The following ATAD3B variants were observed in gnomAD, a reference collection of about 807,000 sequenced individuals.
ATAD3B encodes ATPase family AAA domain-containing protein 3B.
In ATAD3B, 59 loss-of-function variants were observed where a neutral mutation model predicts 70.2. That is an observed-to-expected ratio of 0.84 (90% CI 0.68 to 1.04). ATAD3B has a LOEUF of 1.04. Among genes scored for constraint, ATAD3B ranks in the 50% least tolerant of loss-of-function variants. The pLI is 0.00. For synonymous variants in ATAD3B, 423 were observed against 388.6 expected (o/e 1.09, Z -1.04); for missense variants, 961 against 913.4 (o/e 1.05, Z -0.67).
At chr1:1,480,482 T>G (rs1166722320) in intron 4 of ATAD3B, among the ~76,000 whole-genome samples, 1 of 147,316 alleles carries the variant, frequency 6.8e-6, no homozygotes, top group African/African-American at 2.5e-5. Context: ...CCTTCAGTCC[T>G]GAGCTCGCAG....
At chr1:1,509,075 A>T in the ATAD3B span, 3,663 of 1,424,798 alleles carry the variant, frequency 2.6e-3, 28 homozygotes, top group African/African-American at 0.038. Flanking sequence ...GAGGTGCGGG[A>T]AGCCTGTGTT....
chr1:1,491,896 G>C (rs1291636508), intron 15 of ATAD3B, among the ~76,000 whole-genome samples: 1 of 151,962 alleles, frequency 6.6e-6, no homozygotes, highest in Non-Finnish European at 1.5e-5. Flanking sequence ...AACTCAGAAA[G>C]TGGAGGCTGG....
In ATAD3B at chr1:1,489,711, G is replaced by A. The variant is rs982007395; in HGVS notation, c.1337+437G>A. The A allele has an allele frequency of 1.8e-5, 24 of 1,312,066 alleles. 1 individual carries two copies. The highest frequency in any genetic ancestry group is 5.4e-5 in the East Asian group (1 of 18,620). The allele number at this position is 1,312,066 out of a possible 1,614,324, so 81.3% of individuals were successfully genotyped here. A position where few individuals can be genotyped will look rare whatever the true frequency, so the allele number is the denominator to read the frequency against. ...CTCCAGCCCCAGTCACGTGTCACAC[G>A]GAGGATCAAGTCCTGCTGGTCGGCC... On this transcript the variant is annotated intron_variant, in intron 13 of 15. Transcript: ENST00000673477.
chr1:1,490,690 C>T lies in ATAD3B; in HGVS notation c.1614+19C>T, dbSNP rs989928583. The T allele has an allele frequency of 9.6e-6, 15 of 1,558,484 alleles. No homozygotes were observed. Among genetic ancestry groups the T allele is most frequent in the Admixed American group, 7.8e-5 (4 of 51,352 alleles). On this transcript the variant is annotated intron_variant, in intron 15 of 15. Transcript: ENST00000673477. Reference sequence around the variant, plus strand: ...CTGGCAGGTGAGTCAGGCTCCGGCACGTCCACCCAGACGGGACCCCAGCTG... The same window carrying T: ...CTGGCAGGTGAGTCAGGCTCCGGCATGTCCACCCAGACGGGACCCCAGCTG...
At chr1:1,477,498 A>G in intron 2 of ATAD3B, 148 bp downstream of exon 2, 1 of 1,386,902 alleles carries the variant, frequency 7.2e-7, no homozygotes, top group Non-Finnish European at 9.9e-7. Context: ...CTCATTTCAC[A>G]GAGGGAAACA....
chr1:1,499,423 GA>G (rs1640894007), downstream of ATAD3B, among the ~76,000 whole-genome samples: 2 of 150,304 alleles, frequency 1.3e-5, no homozygotes, highest in South Asian at 2.1e-4. Context: ...TTTTAGTAGA[GA>G]GGGGGTTATA....
intron 6 of ATAD3B, 95 bp from the exon 7 acceptor site, chr1:1,482,450 C>G: frequency 6.2e-7 from 1 of 1,604,902 alleles, no homozygotes; most frequent in South Asian, 1.1e-5. Context: ...CTGGCAAGGC[C>G]GTGCCGCCAT....
downstream of ATAD3B, among the ~76,000 whole-genome samples, chr1:1,500,750 G>C (rs530762940): frequency 1.3e-4 from 19 of 151,098 alleles, no homozygotes; most frequent in Admixed American, 1.1e-3. Flanking sequence ...TCAGGAGATC[G>C]AGACCATCCT....
At chr1:1,478,301 C>T in intron 2 of ATAD3B, 3 of 981,674 alleles carry the variant, frequency 3.1e-6, no homozygotes, top group Non-Finnish European at 4.4e-6. Context: ...CCGGCCCACT[C>T]AGCAGGATTC....
chr1:1,495,281 G>A (rs554654958), intron 15 of ATAD3B, among the ~76,000 whole-genome samples: 4 of 152,134 alleles, frequency 2.6e-5, no homozygotes, highest in Non-Finnish European at 4.4e-5. Flanking sequence ...TGCTGAGGAC[G>A]CAGGCAGGGC....
At chr1:1,502,730 G>A (rs895121390), downstream of ATAD3B, among the ~76,000 whole-genome samples, 185 of 146,000 alleles carry the variant, frequency 1.3e-3, 2 homozygotes, top group African/African-American at 2.3e-4. Flanking sequence ...AAGGCTGGTC[G>A]CGAACTCCTG....
chr1:1,481,834 G>A (rs1400147433), intron 5 of ATAD3B, among the ~76,000 whole-genome samples: 1 of 152,136 alleles, frequency 6.6e-6, no homozygotes, highest in African/African-American at 2.4e-5. Flanking sequence ...GTGTGTGTCT[G>A]TGGCACGGGC....
chr1:1,503,528 T>A, the ATAD3B span: 2 of 1,552,342 alleles, frequency 1.3e-6, no homozygotes, highest in Non-Finnish European at 1.8e-6. Flanking sequence ...GTGTGGTGCC[T>A]GCCCAGCGGC....
downstream of ATAD3B, among the ~76,000 whole-genome samples, chr1:1,498,968 CTTTT>C (rs377252484): frequency 8.8e-3 from 1,240 of 140,774 alleles, 13 homozygotes; most frequent in Non-Finnish European, 0.013. Flanking sequence ...TGTGGTTCCT[CTTTT>C]TTTTTTTTTT....
chr1:1,495,993 GTCTTTGT>G lies in ATAD3B; in HGVS notation c.*180_*186del. On this transcript the variant is annotated 3_prime_UTR_variant, in exon 16 of 16. Coordinates refer to ENST00000673477, the MANE Select transcript of ATAD3B (RefSeq NM_031921.6). ...GGGCAGAAGGAGTGGGGCAGGCGGGGTCTTTGTTCTCGGCTCCCACAGCAGAGCCAGG... is the reference window on the plus strand; with the variant it reads ...GGGCAGAAGGAGTGGGGCAGGCGGGGTCTCGGCTCCCACAGCAGAGCCAGG... 31 of 1,359,148 alleles carry G rather than the reference GTCTTTGT, an allele frequency of 2.3e-5. No individual in the cohort carries two copies. Among genetic ancestry groups the G allele is most frequent in the Non-Finnish European group, 2.8e-5 (30 of 1,057,608 alleles). 84.2% of individuals were successfully genotyped at this position (1,359,148 alleles called of 1,614,324 possible). A position where few individuals can be genotyped will look rare whatever the true frequency, so the allele number is the denominator to read the frequency against.
Position 1,495,691 on chromosome 1 carries a change from T to C in ATAD3B, c.1821T>C (p.Leu607=), listed in dbSNP as rs1308815644. The change falls in exon 16 of 16, where the codon CTT becomes CTC. Residue 607 remains leucine, a synonymous_variant. Transcript: ENST00000673477. The stretch of plus-strand genomic sequence containing the variant: ...CCACGGACCCCTCCTACCCCTGCCT[T>C]GCCGGCCCCTGCACATTTAGGATAT... The part of the protein sequence containing the change: ...SLATDPSYPC[L]AGPCTFRICS... 2 of 1,613,090 alleles carry C rather than the reference T, an allele frequency of 1.2e-6. No homozygotes were observed. Among genetic ancestry groups the C allele is most frequent in the South Asian group, 2.2e-5 (2 of 90,994 alleles).
At chr1:1,495,374 A>C (rs1399666519) in intron 15 of ATAD3B, 111 bp from the exon 16 acceptor site, 2 of 1,402,600 alleles carry the variant, frequency 1.4e-6, no homozygotes, top group Non-Finnish European at 1.9e-6. Context: ...TTTCACCCTG[A>C]GGTTGTCCTG....
chr1:1,495,444 T>A lies in ATAD3B; in HGVS notation c.1615-41T>A, dbSNP rs780965705. ...CCTGGCGTGCATTAAGGGTGGCGGGTTCCCATAGCGGCCTCCCTCAGCTCC... is the reference window on the plus strand; with the variant it reads ...CCTGGCGTGCATTAAGGGTGGCGGGATCCCATAGCGGCCTCCCTCAGCTCC... On this transcript the variant is annotated intron_variant, in intron 15 of 15. Coordinates refer to ENST00000673477, the MANE Select transcript of ATAD3B (RefSeq NM_031921.6). 3.9e-6 allele frequency: 6 copies of A among 1,557,080 alleles called. No homozygotes were observed. The African/African-American group carries it at 8.1e-5, about 21-fold the overall frequency.
chr1:1,488,465 A>T (rs1310832501), intron 12 of ATAD3B, among the ~76,000 whole-genome samples: 1 of 152,058 alleles, frequency 6.6e-6, no homozygotes, highest in Non-Finnish European at 1.5e-5. Context: ...GAACTAAAGA[A>T]ATTCACCGGC....
Sources: gnomAD v4.1 joint callset for allele counts (sites outside exome capture counted in the v4.1 genomes callset) on GRCh38, gnomAD v4.1.1 for gene constraint, MANE v1.5 for transcripts, NCBI Gene and HGNC (gene_info 2026-07-23, HGNC 2026-07-21) for gene names.